CCDC73: variants seen among roughly 807,000 people sequenced by gnomAD.
CCDC73 encodes coiled-coil domain containing 73, also known as coiled-coil domain-containing protein 73.
Under a neutral mutation model 116.5 loss-of-function variants are expected in CCDC73, and 95 were observed. The observed-to-expected ratio is 0.82, with a 90% CI of 0.69 to 0.97. CCDC73 has a LOEUF of 0.97. Among genes scored for constraint, CCDC73 ranks in the 50% least tolerant of loss-of-function variants. The pLI, the probability that CCDC73 is intolerant of heterozygous loss-of-function variation, is 0.00. For missense variants in CCDC73, 1,066 were observed against 1,206.8 expected (o/e 0.88, Z 1.73); for synonymous variants, 398 against 401.3 (o/e 0.99, Z 0.10).
intron 14 of CCDC73, among the ~76,000 whole-genome samples, chr11:32,626,582 C>T (rs1458280171): frequency 6.6e-6 from 1 of 152,224 alleles, no homozygotes; most frequent in African/African-American, 2.4e-5. Flanking sequence ...AACTATACTA[C>T]ATGGCTACAG....
At chr11:32,628,296 G>A (rs1855595450) in intron 14 of CCDC73, among the ~76,000 whole-genome samples, 1 of 152,172 alleles carries the variant, frequency 6.6e-6, no homozygotes, top group South Asian at 2.1e-4. Flanking sequence ...CAAAAAAGAT[G>A]GTCTGAGTTG....
rs796463909 is a variant in CCDC73 at position 32,613,565 on chromosome 11, C to T, written c.2753G>A (p.Ser918Asn). 8.7e-6 allele frequency: 14 copies of T among 1,613,958 alleles called. No homozygotes were observed. Among genetic ancestry groups the T allele is most frequent in the African/African-American group, 1.3e-5 (1 of 74,898 alleles). The part of the protein sequence containing the change: ...GPWSKVNHIE[S>N]QTASSSTPCI... ...AGGGGTCGAACTGCTCGCTGTTTGA[C>T]TTTCAATGTGATTTACTTTTGACCA... is the stretch of plus-strand genomic sequence containing the variant. The change falls in exon 16 of 18, where the codon AGT (serine) becomes AAT (asparagine). Residue 918 changes from serine (S) to asparagine (N), a missense_variant. Physicochemically the swap from Ser to Asn is conservative, Grantham distance 46. Coordinates refer to ENST00000335185, the MANE Select transcript of CCDC73 (RefSeq NM_001008391.4).
chr11:32,762,218 T>G (rs977946155), intron 1 of CCDC73, among the ~76,000 whole-genome samples: 8 of 152,110 alleles, frequency 5.3e-5, no homozygotes, highest in Non-Finnish European at 1.2e-4. Flanking sequence ...GGACCAATCC[T>G]CCTACTAAAA....
At chr11:32,779,484 A>G (rs1850564029) in intron 1 of CCDC73, among the ~76,000 whole-genome samples, 1 of 152,210 alleles carries the variant, frequency 6.6e-6, no homozygotes, top group Admixed American at 6.5e-5. Context: ...ATGTTTGCCT[A>G]TGCTACCTCA....
intron 6 of CCDC73, among the ~76,000 whole-genome samples, chr11:32,691,948 T>G (rs1856263122): frequency 6.7e-6 from 1 of 148,608 alleles, no homozygotes; most frequent in Admixed American, 6.9e-5. Flanking sequence ...CTTGGGAGGC[T>G]GAGGCAGGAG....
chr11:32,703,122 T>G (rs1849827902), intron 3 of CCDC73, among the ~76,000 whole-genome samples, 178 bp from the exon 4 acceptor site: 1 of 152,226 alleles, frequency 6.6e-6, no homozygotes. Flanking sequence ...GGTCTCACTC[T>G]GTTGCCCAGG....
chr11:32,709,579 A>T (rs1020626466), intron 3 of CCDC73, among the ~76,000 whole-genome samples: 1 of 152,176 alleles, frequency 6.6e-6, no homozygotes. Context: ...TACAGGTGTG[A>T]GCCACCATGC....
intron 1 of CCDC73, among the ~76,000 whole-genome samples, chr11:32,763,842 T>C (rs993240413): frequency 6.6e-6 from 1 of 151,998 alleles, no homozygotes; most frequent in Admixed American, 6.5e-5. Flanking sequence ...TTCAAACCCA[T>C]CACAAAGAAG....
chr11:32,788,896 G>A (rs1738037713), intron 1 of CCDC73, among the ~76,000 whole-genome samples: 1 of 152,134 alleles, frequency 6.6e-6, no homozygotes, highest in Admixed American at 6.6e-5. Flanking sequence ...AAAAAAGGGT[G>A]CTATAAGTGT....
chr11:32,636,857 C>T (rs2133244227), intron 13 of CCDC73, among the ~76,000 whole-genome samples: 1 of 151,952 alleles, frequency 6.6e-6, no homozygotes, highest in East Asian at 1.9e-4. Context: ...TCCTATCTTC[C>T]TAAGTCCTAA....
intron 9 of CCDC73, among the ~76,000 whole-genome samples, chr11:32,668,739 C>A (rs1797651867): frequency 6.6e-6 from 1 of 152,144 alleles, no homozygotes; most frequent in Non-Finnish European, 1.5e-5. Context: ...CCATGTTACA[C>A]ATAGATGTTT....
chr11:32,602,848 G>A lies in CCDC73; in HGVS notation c.3203C>T (p.Ala1068Val). The A allele has an allele frequency of 6.2e-7, 1 of 1,608,504 alleles. No individual in the cohort carries two copies. Among genetic ancestry groups the A allele is most frequent in the Non-Finnish European group, 8.5e-7 (1 of 1,177,710 alleles). The change falls in exon 18 of 18, where the codon GCA becomes GTA. Residue 1068 changes from alanine to valine, a missense_variant. Coordinates refer to ENST00000335185, the MANE Select transcript of CCDC73 (RefSeq NM_001008391.4). ...ENDNQPKKRK[A>V]EETLEKNNRL... Reference sequence around the variant, plus strand: ...GTTGTTTTTTTCCAACGTCTCTTCTGCTTTTCTTTTCTTTGGCTGGTTGTC... The same window carrying A: ...GTTGTTTTTTTCCAACGTCTCTTCTACTTTTCTTTTCTTTGGCTGGTTGTC...
intron 1 of CCDC73, among the ~76,000 whole-genome samples, chr11:32,790,396 C>CT (rs1850664481): frequency 6.6e-6 from 1 of 152,090 alleles, no homozygotes. Flanking sequence ...ATTGTCTATT[C>CT]CACATAATTT....
chr11:32,695,372 A>G (rs1038835750), intron 6 of CCDC73, among the ~76,000 whole-genome samples: 1 of 151,770 alleles, frequency 6.6e-6, no homozygotes, highest in Non-Finnish European at 1.5e-5. Context: ...CCATCTCAAA[A>G]AAAAAAAAAA....
intron 13 of CCDC73, among the ~76,000 whole-genome samples, chr11:32,641,003 G>C (rs190831881): frequency 0.01 from 1,528 of 145,732 alleles, 24 homozygotes; most frequent in African/African-American, 0.036. Flanking sequence ...GGGACAGAGT[G>C]AGACTCTGTC....
intron 9 of CCDC73, among the ~76,000 whole-genome samples, chr11:32,657,612 T>C (rs140146815): frequency 1.3e-5 from 2 of 152,056 alleles, no homozygotes; most frequent in Admixed American, 1.3e-4. Flanking sequence ...TGGCTCCTGA[T>C]TGGGTTAAAT....
chr11:32,686,254 T>C (rs1856200149), intron 6 of CCDC73, among the ~76,000 whole-genome samples: 1 of 146,110 alleles, frequency 6.8e-6, no homozygotes, highest in African/African-American at 2.5e-5. Context: ...AAAAGAGAGT[T>C]GTCATTAACA....
Position 32,710,931 on chromosome 11 carries a change from G to A in CCDC73, c.207+7145C>T, listed in dbSNP as rs187642303. Among the ~76,000 whole-genome samples, 513 of 152,264 alleles carry A rather than the reference G, an allele frequency of 3.4e-3. 1 individual carries two copies. Among genetic ancestry groups the A allele is most frequent in the Non-Finnish European group, 5.4e-3 (368 of 68,006 alleles). On this transcript the variant is annotated intron_variant, in intron 3 of 17. Transcript: ENST00000335185. ...AAAGAAATAATCAGCAGAGTTAACA[G>A]ACAACCCACAGAGTGGGAGAAAATC... is the stretch of plus-strand genomic sequence containing the variant.
rs527852484 is a variant in CCDC73 at position 32,735,564 on chromosome 11, C to T, written c.136-17417G>A. On this transcript the variant is annotated intron_variant, in intron 2 of 17. Transcript: ENST00000335185. ...GCTCATGGATAGGAAGAATCAATAT[C>T]GTGAAAATGGCCATACTGCCCAAGG... 3.9e-5 allele frequency among the ~76,000 whole-genome samples: 6 copies of T among 152,170 alleles called. No individual in the cohort carries two copies. In the South Asian group the frequency reaches 6.2e-4, roughly 16 times the overall value.
Sources: gnomAD v4.1 joint callset for allele counts (sites outside exome capture counted in the v4.1 genomes callset) on GRCh38, gnomAD v4.1.1 for gene constraint, MANE v1.5 for transcripts, NCBI Gene and HGNC (gene_info 2026-07-23, HGNC 2026-07-21) for gene names.